CDH19: variants seen among roughly 807,000 people sequenced by gnomAD.
The protein encoded by CDH19 is cadherin 19.
CDH19 carries 67 observed loss-of-function variants against 64.2 expected under a neutral mutation model. That is an observed-to-expected ratio of 1.04 (90% CI 0.86 to 1.28). The LOEUF (loss-of-function observed/expected upper bound fraction) is 1.28, where lower values mean the gene tolerates loss of function less well. CDH19 is among the 50% of genes most tolerant of loss of function. The pLI, the probability that CDH19 is intolerant of heterozygous loss-of-function variation, is 0.00. For synonymous variants in CDH19, 346 were observed against 319.3 expected (o/e 1.08, Z -0.89); for missense variants, 1,030 against 929.0 (o/e 1.11, Z -1.41).
In CDH19 at chr18:66,501,152, A is replaced by G. The variant is rs1984923339; in HGVS notation, c.*3660T>C. On this transcript the variant is annotated 3_prime_UTR_variant, in exon 12 of 12. Transcript: ENST00000262150. ...GTCAATGGAAACCAAAAGAATTTCT[A>G]CAAGTCACTAAGTAAAATAGATTGG... 1 of 152,190 alleles carries G rather than the reference A, an allele frequency of 6.6e-6. No homozygotes were observed. Among genetic ancestry groups the G allele is most frequent in the African/African-American group, 2.4e-5 (1 of 41,456 alleles). The allele number at this position is 152,190 out of a possible 1,614,324, so 9.4% of individuals were successfully genotyped here.
chr18:66,596,111 A>G (rs912935116), intron 1 of CDH19: 3 of 152,124 alleles, frequency 2.0e-5, no homozygotes, highest in African/African-American at 7.2e-5. Flanking sequence ...AACATTTAAT[A>G]TCTCTTCATA....
chr18:66,576,806 A>G (rs1237062319), intron 1 of CDH19, among the ~76,000 whole-genome samples: 2 of 151,716 alleles, frequency 1.3e-5, no homozygotes, highest in Non-Finnish European at 3.0e-5. Context: ...ATAAATACAC[A>G]TATAGAAAAT....
intron 5 of CDH19, among the ~76,000 whole-genome samples, chr18:66,547,661 GTTTTTT>G (rs71169155): frequency 2.5e-5 from 2 of 80,144 alleles, no homozygotes; most frequent in African/African-American, 4.9e-5. Flanking sequence ...TGTGTGTTAG[GTTTTTT>G]TTTTTTTTTT....
chr18:66,505,057 T>C lies in CDH19; in HGVS notation c.2074A>G (p.Ser692Gly). Residue 692 changes from serine (S) to glycine (G), a missense_variant, in exon 12 of 12, where the codon AGT becomes GGT. Ser to Gly is a moderately conservative substitution (Grantham distance 56, BLOSUM62 0). Coordinates refer to ENST00000262150, the MANE Select transcript of CDH19 (RefSeq NM_021153.4). The stretch of plus-strand genomic sequence containing the variant: ...AGAATGAATTTCCTGAATATGGCAC[T>C]GTCGGGGCCAACTTGCAAAGACTGC... ...YRQSLQVGPD[S>G]AIFRKFILEK... 1 of 1,613,770 alleles carries C rather than the reference T, an allele frequency of 6.2e-7. No homozygotes were observed. The highest frequency in any genetic ancestry group is 8.5e-7 in the Non-Finnish European group (1 of 1,179,794).
Position 66,504,486 on chromosome 18 carries a change from C to T in CDH19, c.*326G>A, listed in dbSNP as rs1480617496. 1 of 201,924 alleles carries T rather than the reference C, an allele frequency of 5.0e-6. No homozygotes were observed. Among genetic ancestry groups the T allele is most frequent in the Non-Finnish European group, 9.9e-6 (1 of 101,188 alleles). The allele number at this position is 201,924 out of a possible 1,614,324, so 12.5% of individuals were successfully genotyped here. ...TTCTCGTTTGGTATTTTTACTCTTTCCTAAGTAAATAATGATATAATCGCA... is the reference window on the plus strand; with the variant it reads ...TTCTCGTTTGGTATTTTTACTCTTTTCTAAGTAAATAATGATATAATCGCA... On this transcript the variant is annotated 3_prime_UTR_variant, in exon 12 of 12. Coordinates refer to ENST00000262150, the MANE Select transcript of CDH19 (RefSeq NM_021153.4).
chr18:66,556,000 GC>G (rs1205247641), intron 3 of CDH19, among the ~76,000 whole-genome samples: 1 of 151,584 alleles, frequency 6.6e-6, no homozygotes, highest in Non-Finnish European at 1.5e-5. Context: ...AGTCTTTAGA[GC>G]CCCTAAGCTA....
intron 1 of CDH19, among the ~76,000 whole-genome samples, chr18:66,595,442 A>C (rs972794105): frequency 2.0e-5 from 3 of 150,532 alleles, no homozygotes; most frequent in Non-Finnish European, 4.4e-5. Flanking sequence ...GAAGACTAAT[A>C]AAGAAAAAAA....
At chr18:66,546,761 T>C (rs888312134) in intron 5 of CDH19, among the ~76,000 whole-genome samples, 6 of 151,970 alleles carry the variant, frequency 3.9e-5, no homozygotes, top group South Asian at 2.1e-4. Flanking sequence ...TGGATAAGAA[T>C]TGAAGAAAGA....
chr18:66,578,486 G>GAGA (rs1456417145), intron 1 of CDH19, among the ~76,000 whole-genome samples: 1 of 151,784 alleles, frequency 6.6e-6, no homozygotes, highest in African/African-American at 2.4e-5. Context: ...AAGTACTGAA[G>GAGA]AGAACATAGA....
intron 9 of CDH19, among the ~76,000 whole-genome samples, chr18:66,529,623 CAA>C (rs1261424104): frequency 6.8e-6 from 1 of 146,596 alleles, no homozygotes; most frequent in Non-Finnish European, 1.5e-5. Flanking sequence ...GAATGCATAA[CAA>C]AAATTATTAC....
At chr18:66,529,749 CTATTA>C in intron 9 of CDH19, 91 bp downstream of exon 9, 1 of 411,576 alleles carries the variant, frequency 2.4e-6, no homozygotes, top group Non-Finnish European at 4.0e-6. Context: ...ATGTTGATAT[CTATTA>C]TATAACAATA....
At chr18:66,531,170 G>A (rs992088912) in intron 8 of CDH19, among the ~76,000 whole-genome samples, 7 of 152,028 alleles carry the variant, frequency 4.6e-5, no homozygotes, top group African/African-American at 1.7e-4. Flanking sequence ...TACAGTCTAA[G>A]GTATCAGTAT....
intron 1 of CDH19, among the ~76,000 whole-genome samples, chr18:66,600,811 T>C (rs1342353045): frequency 6.6e-6 from 1 of 151,848 alleles, no homozygotes. Flanking sequence ...CTCATATGCC[T>C]ACAGGGTTGG....
At chr18:66,527,035 G>GTA (rs749251440) in intron 9 of CDH19, among the ~76,000 whole-genome samples, 55 of 118,682 alleles carry the variant, frequency 4.6e-4, no homozygotes, top group Admixed American at 1.1e-3. Context: ...ATATAAATAT[G>GTA]TATATATATA....
intron 3 of CDH19, among the ~76,000 whole-genome samples, chr18:66,555,390 AG>A (rs35939718): frequency 0.34 from 51,303 of 151,492 alleles, 9,507 homozygotes; most frequent in South Asian, 0.48. Context: ...TTCTCATCGT[AG>A]CCCAATTTTA....
intron 1 of CDH19, among the ~76,000 whole-genome samples, chr18:66,584,532 T>G (rs1339084867): frequency 6.6e-6 from 1 of 152,056 alleles, no homozygotes; most frequent in East Asian, 1.9e-4. Context: ...TGAATACAAA[T>G]AATTCTATCA....
intron 9 of CDH19, among the ~76,000 whole-genome samples, chr18:66,528,240 C>T (rs1393807018): frequency 1.3e-5 from 2 of 151,970 alleles, no homozygotes; most frequent in Non-Finnish European, 1.5e-5. Context: ...TAGCTATGTC[C>T]AATTTCTAAA....
chr18:66,594,369 T>C (rs538524463), intron 1 of CDH19, among the ~76,000 whole-genome samples: 2 of 152,158 alleles, frequency 1.3e-5, no homozygotes, highest in South Asian at 4.1e-4. Flanking sequence ...GTTAGAAAAC[T>C]AATAAAGATA....
chr18:66,517,081 GGTTA>G (rs910471725), intron 9 of CDH19, among the ~76,000 whole-genome samples: 2 of 152,058 alleles, frequency 1.3e-5, no homozygotes, highest in African/African-American at 4.8e-5. Flanking sequence ...TGTTTTCTCA[GGTTA>G]GTCAGACACA....
Sources: allele counts gnomAD v4.1 joint callset (sites outside exome capture counted in the v4.1 genomes callset), GRCh38; gene constraint gnomAD v4.1.1; transcripts MANE v1.5; gene names NCBI Gene and HGNC (gene_info 2026-07-23, HGNC 2026-07-21).